The following ASTN2 variants were observed in gnomAD, a reference collection of about 807,000 sequenced individuals.
The protein encoded by ASTN2 is astrotactin 2.
ASTN2 carries 54 observed loss-of-function variants against 139.8 expected under a neutral mutation model. That is an observed-to-expected ratio of 0.39 (90% CI 0.31 to 0.48). The LOEUF is 0.48. ASTN2 is among the 20% of genes least tolerant of loss of function. The pLI is 0.95. For synonymous variants in ASTN2, 756 were observed against 719.5 expected (o/e 1.05, Z -0.81); for missense variants, 1,565 against 1,725.1 (o/e 0.91, Z 1.64).
At position 117,008,323 on chromosome 9, in the gene ASTN2, A is replaced by G. The variant is rs115966382; in HGVS notation, c.1424-64T>C. 1.8e-3 allele frequency: 2,608 copies of G among 1,449,170 alleles called. 38 individuals carry two copies. The African/African-American group carries it at 0.033, about 18-fold the overall frequency. 89.8% of individuals were successfully genotyped at this position (1,449,170 alleles called of 1,614,324 possible). Reference sequence around the variant, plus strand: ...TTTAAGGTCTTAGCTGATGCTACAGAACACAGAAAGGTGTGTACAAGCCAC... The same window carrying G: ...TTTAAGGTCTTAGCTGATGCTACAGGACACAGAAAGGTGTGTACAAGCCAC... On this transcript the variant is annotated intron_variant, in intron 6 of 22. Coordinates refer to ENST00000313400, the MANE Select transcript of ASTN2 (RefSeq NM_001365068.1).
chr9:117,111,689 C>T (rs528516009), intron 4 of ASTN2, among the ~76,000 whole-genome samples: 51 of 152,012 alleles, frequency 3.4e-4, no homozygotes, highest in African/African-American at 9.4e-4. Flanking sequence ...TTATCAAATT[C>T]GCAAAGCTCA....
intron 12 of ASTN2, among the ~76,000 whole-genome samples, chr9:116,817,178 C>T (rs985887713): frequency 3.3e-5 from 5 of 151,602 alleles, no homozygotes; most frequent in South Asian, 4.2e-4. Context: ...CCTATAGTCC[C>T]GGGTACTAGG....
intron 10 of ASTN2, among the ~76,000 whole-genome samples, chr9:116,876,831 T>C (rs906809841): frequency 2.0e-5 from 3 of 152,224 alleles, no homozygotes; most frequent in Non-Finnish European, 4.4e-5. Flanking sequence ...GAGTAAAAAA[T>C]AACTTTTATA....
At chr9:117,026,302 CCATTTT>C (rs1838079604) in intron 6 of ASTN2, among the ~76,000 whole-genome samples, 1 of 152,022 alleles carries the variant, frequency 6.6e-6, no homozygotes, top group African/African-American at 2.4e-5. Flanking sequence ...TTTAGCATCC[CCATTTT>C]TCAGAAGATG....
chr9:116,754,968 A>T (rs1588266873), intron 13 of ASTN2, among the ~76,000 whole-genome samples: 1 of 152,162 alleles, frequency 6.6e-6, no homozygotes, highest in African/African-American at 2.4e-5. Flanking sequence ...GAACCTGGAC[A>T]CGGACTCATC....
chr9:117,247,761 TG>T (rs1165582485), intron 2 of ASTN2, among the ~76,000 whole-genome samples: 15 of 152,300 alleles, frequency 9.8e-5, no homozygotes, highest in African/African-American at 3.6e-4. Context: ...GCTTCATTTC[TG>T]AAGATGGAGG....
intron 13 of ASTN2, among the ~76,000 whole-genome samples, chr9:116,779,423 C>T (rs1368179233): frequency 2.6e-5 from 4 of 152,076 alleles, no homozygotes; most frequent in African/African-American, 9.7e-5. Flanking sequence ...CCTACCTGTG[C>T]TTTTATTTTG....
At position 116,455,729 on chromosome 9, in the gene ASTN2, A is replaced by C. The variant is rs1457725201; in HGVS notation, c.3498-13176T>G. On this transcript the variant is annotated intron_variant, in intron 20 of 22. Coordinates refer to ENST00000313400, the MANE Select transcript of ASTN2 (RefSeq NM_001365068.1). Reference sequence around the variant, plus strand: ...AATAAAAAAGGCCCAAGCCATCCTTAAAATCTAAAAAGTAAAAAAAAAATA... The same window carrying C: ...AATAAAAAAGGCCCAAGCCATCCTTCAAATCTAAAAAGTAAAAAAAAAATA... 2.0e-5 allele frequency among the ~76,000 whole-genome samples: 3 copies of C among 152,164 alleles called. No individual in the cohort carries two copies. The East Asian group carries it at 5.8e-4, about 29-fold the overall frequency.
Position 116,729,032 on chromosome 9 carries a change from G to A in ASTN2, c.2586C>T (p.Asn862=). ...PMVQQWRVRS[N]LYRVKLSTIT... is the part of the protein sequence containing the mutation. ...TGGTGCTGAGCTTCACACGGTAGAG[G>A]TTGCTCCGGACCCGCCACTGCTGCA... The change falls in exon 15 of 23, where the codon AAC becomes AAT. Residue 862 remains asparagine, a synonymous_variant. Transcript: ENST00000313400. 1.3e-6 allele frequency: 2 copies of A among 1,581,774 alleles called. No homozygotes were observed. The highest frequency in any genetic ancestry group is 2.3e-5 in the South Asian group (2 of 86,778).
chr9:116,639,797 T>G (rs938592131), intron 17 of ASTN2, among the ~76,000 whole-genome samples: 10 of 152,212 alleles, frequency 6.6e-5, no homozygotes, highest in Non-Finnish European at 1.5e-4. Context: ...TCAAGTTTCC[T>G]TATCTAAAAA....
intron 10 of ASTN2, among the ~76,000 whole-genome samples, chr9:116,927,096 C>A (rs904699809): frequency 1.3e-5 from 2 of 152,142 alleles, no homozygotes; most frequent in African/African-American, 4.8e-5. Flanking sequence ...GGAGGAGTAC[C>A]AAAGAAACCC....
rs558852535 is a variant in ASTN2, at chr9:117,299,144, G to GA, written c.443-7632dup. Among the ~76,000 whole-genome samples the GA allele has an allele frequency of 2.1e-3, 319 of 152,002 alleles. 2 individuals carry two copies. The highest frequency in any genetic ancestry group is 3.3e-3 in the Non-Finnish European group (223 of 67,962). On this transcript the variant is annotated intron_variant, in intron 1 of 22. Coordinates refer to ENST00000313400, the MANE Select transcript of ASTN2 (RefSeq NM_001365068.1). The stretch of plus-strand genomic sequence containing the variant: ...ACATGAGTATGTGTATAAACAGCTG[G>GA]AAAAAAAATACACTGGACCACGAAG...
chr9:117,311,310 C>T lies in ASTN2; in HGVS notation c.443-19797G>A, dbSNP rs74724518. 2.8e-4 allele frequency among the ~76,000 whole-genome samples: 43 copies of T among 151,872 alleles called. No homozygotes were observed. In the East Asian group the frequency reaches 8.1e-3, roughly 29 times the overall value. On this transcript the variant is annotated intron_variant, in intron 1 of 22. Coordinates refer to ENST00000313400, the MANE Select transcript of ASTN2 (RefSeq NM_001365068.1). ...TTTATAATTGATTTCTAAATTTATC[C>T]TCCTAATGAAATCATCTCCGGCAGA... is the stretch of plus-strand genomic sequence containing the variant.
At chr9:116,475,630 T>A (rs1848954511) in intron 20 of ASTN2, among the ~76,000 whole-genome samples, 1 of 152,234 alleles carries the variant, frequency 6.6e-6, no homozygotes, top group Admixed American at 6.5e-5. Flanking sequence ...TTAACTTGAA[T>A]AAACATTCAA....
At chr9:116,541,686 T>C (rs1157507676) in intron 19 of ASTN2, among the ~76,000 whole-genome samples, 1 of 152,194 alleles carries the variant, frequency 6.6e-6, no homozygotes, top group African/African-American at 2.4e-5. Flanking sequence ...CAAGAGCTGA[T>C]GGGCCCTCCA....
chr9:116,910,458 C>T (rs1834280085), intron 10 of ASTN2, among the ~76,000 whole-genome samples: 2 of 152,180 alleles, frequency 1.3e-5, no homozygotes, highest in Admixed American at 6.5e-5. Flanking sequence ...CCAGACATCG[C>T]CCACCACTAC....
At chr9:117,207,559 A>G (rs188939848) in intron 3 of ASTN2, among the ~76,000 whole-genome samples, 1 of 152,292 alleles carries the variant, frequency 6.6e-6, no homozygotes, top group East Asian at 1.9e-4. Context: ...ACTTATGCCC[A>G]TGTCCCAGGC....
chr9:116,548,702 G>C (rs1852210949), intron 19 of ASTN2, among the ~76,000 whole-genome samples: 2 of 152,130 alleles, frequency 1.3e-5, no homozygotes, highest in Admixed American at 1.3e-4. Context: ...TCGAACTCCT[G>C]ACCTCAGGTG....
chr9:116,775,190 C>T (rs1407717724), intron 13 of ASTN2, among the ~76,000 whole-genome samples: 2 of 151,950 alleles, frequency 1.3e-5, no homozygotes, highest in South Asian at 2.1e-4. Context: ...CCCAGGATGG[C>T]GATTCCACTG....
Sources: allele counts gnomAD v4.1 joint callset (sites outside exome capture counted in the v4.1 genomes callset), GRCh38; gene constraint gnomAD v4.1.1; transcripts MANE v1.5; gene names NCBI Gene and HGNC (gene_info 2026-07-23, HGNC 2026-07-21).